The following PKM variants were observed in gnomAD, a reference collection of about 807,000 sequenced individuals.
PKM encodes pyruvate kinase M1/2.
A neutral mutation model predicts 49.8 loss-of-function variants in PKM; 18 were observed. The ratio of observed to expected loss-of-function variants is 0.36; its 90% CI spans 0.25 to 0.54. The LOEUF (loss-of-function observed/expected upper bound fraction) is 0.54, where lower values mean the gene tolerates loss of function less well. Among genes scored for constraint, PKM ranks in the 20% least tolerant of loss-of-function variants. The pLI is 0.89. For missense variants in PKM, 508 were observed against 713.8 expected (o/e 0.71, Z 3.28); for synonymous variants, 239 against 261.8 (o/e 0.91, Z 0.84).
intron 1 of PKM, chr15:72,230,826 T>G: frequency 4.1e-6 from 3 of 740,654 alleles, no homozygotes; most frequent in Non-Finnish European, 5.9e-6. Context: ...GCATTGAGGA[T>G]TGGGGCAGGA....
intron 5 of PKM, 65 bp from the exon 6 acceptor site, chr15:72,208,956 C>G: frequency 6.5e-7 from 1 of 1,536,022 alleles, no homozygotes; most frequent in Non-Finnish European, 8.9e-7. Context: ...GAAGCAGGCA[C>G]CTTTCCCGCA....
Position 72,200,905 on chromosome 15 carries a change from C to A in PKM, c.1308-250G>T, listed in dbSNP as rs2856932. The stretch of plus-strand genomic sequence containing the variant: ...AGGGCTCAGGATCACCTTGACCCAG[C>A]AAGATCAGCCTCACCCACTTACCCC... On this transcript the variant is annotated intron_variant, in intron 9 of 10. Coordinates refer to ENST00000335181, the MANE Select transcript of PKM (RefSeq NM_002654.6). The surrounding 1 kb of genome is among the most constrained non-coding windows in gnomAD (Gnocchi z 4.6). 68 of 478,432 alleles carry A rather than the reference C, an allele frequency of 1.4e-4. No individual in the cohort carries two copies. Among genetic ancestry groups the A allele is most frequent in the African/African-American group, 1.2e-3 (64 of 51,860 alleles). The allele number at this position is 478,432 out of a possible 1,614,324, so 29.6% of individuals were successfully genotyped here. A position where few individuals can be genotyped will look rare whatever the true frequency, so the allele number is the denominator to read the frequency against.
At chr15:72,226,284 T>C (rs1249958385) in intron 1 of PKM, among the ~76,000 whole-genome samples, 1 of 152,076 alleles carries the variant, frequency 6.6e-6, no homozygotes, top group African/African-American at 2.4e-5. Flanking sequence ...TCCCAGCACT[T>C]TGGGAGGCCA....
At chr15:72,210,011 A>G in intron 4 of PKM, 152 bp from the exon 5 acceptor site, 1 of 722,104 alleles carries the variant, frequency 1.4e-6, no homozygotes, top group Non-Finnish European at 2.5e-6. Context: ...CTAACTCTGT[A>G]TACTTCACGG....
chr15:72,230,429 C>T (rs1270913862), intron 1 of PKM, among the ~76,000 whole-genome samples: 2 of 152,136 alleles, frequency 1.3e-5, no homozygotes, highest in Non-Finnish European at 2.9e-5. Flanking sequence ...GGTGGGACCG[C>T]GCTCGGAGAC....
intron 1 of PKM, chr15:72,228,465 T>C (rs1424777812): frequency 5.4e-6 from 2 of 370,364 alleles, no homozygotes; most frequent in Non-Finnish European, 1.1e-5. Context: ...GCAAGCTCCG[T>C]AGTTGAGGCA....
At position 72,209,654 on chromosome 15, in the gene PKM, C is replaced by T. The variant is rs1427367838; in HGVS notation, c.565+19G>A. The T allele has an allele frequency of 3.7e-6, 6 of 1,608,770 alleles. No individual in the cohort carries two copies. Among genetic ancestry groups the T allele is most frequent in the Non-Finnish European group, 5.1e-6 (6 of 1,176,476 alleles). On this transcript the variant is annotated intron_variant, in intron 5 of 10. Transcript: ENST00000335181. ...CAAAAGACTGTTTTAGACAACTGGA[C>T]TCCAGCTCCCATACGTACCTTTCTG...
chr15:72,210,763 T>C (rs1388516246), intron 3 of PKM, among the ~76,000 whole-genome samples: 1 of 152,196 alleles, frequency 6.6e-6, no homozygotes, highest in East Asian at 1.9e-4. Flanking sequence ...CATTAAGGTA[T>C]GGGTGCAAAC....
At chr15:72,217,934 A>C (rs1429821906) in intron 2 of PKM, among the ~76,000 whole-genome samples, 3 of 152,220 alleles carry the variant, frequency 2.0e-5, no homozygotes, top group Non-Finnish European at 2.9e-5. Flanking sequence ...TTCTTTTTGC[A>C]ACAAATTATT....
intron 8 of PKM, among the ~76,000 whole-genome samples, chr15:72,205,991 G>A (rs537754681): frequency 6.6e-6 from 1 of 152,266 alleles, no homozygotes; most frequent in East Asian, 1.9e-4. Flanking sequence ...TCTCAGAGGA[G>A]AAAGAAGGGA....
chr15:72,223,401 T>C (rs1178205200), intron 1 of PKM, among the ~76,000 whole-genome samples: 3 of 152,142 alleles, frequency 2.0e-5, no homozygotes, highest in Non-Finnish European at 4.4e-5. Flanking sequence ...CACCTGATGC[T>C]CACTTTCTCC....
chr15:72,207,397 CATG>C lies in PKM; in HGVS notation c.837-123_837-121del, dbSNP rs564199241. 2.7e-3 allele frequency: 2,409 copies of C among 893,938 alleles called. 12 individuals are homozygous for C. The highest frequency in any genetic ancestry group is 3.1e-3 in the Non-Finnish European group (1,665 of 541,152). 55.4% of individuals were successfully genotyped at this position (893,938 alleles called of 1,614,324 possible). On this transcript the variant is annotated intron_variant, in intron 6 of 10. Transcript: ENST00000335181. ...ATGTCCTTGTACCAGGACAGACATC[CATG>C]ATATCATCATGGGTGCACACAGATG...
chr15:72,200,183 A>C lies in PKM; in HGVS notation c.1489+291T>G, dbSNP rs2081906566. 6.6e-6 allele frequency among the ~76,000 whole-genome samples: 1 copy of C among 152,202 alleles called. No homozygotes were observed. The highest frequency in any genetic ancestry group is 2.4e-5 in the African/African-American group (1 of 41,442). On this transcript the variant is annotated intron_variant, in intron 10 of 10. Coordinates refer to ENST00000335181, the MANE Select transcript of PKM (RefSeq NM_002654.6). This position sits in a 1 kb window ranked among gnomAD's most constrained non-coding sequence, Gnocchi z 4.6. ...ACTCTCAGTAATGAGCAGATGCCAA[A>C]AAATGGACAATTTTGCTTTGAGCCC...
chr15:72,210,620 T>C (rs899312061), intron 3 of PKM, 142 bp from the exon 4 acceptor site: 2 of 916,900 alleles, frequency 2.2e-6, no homozygotes, highest in African/African-American at 1.6e-5. Context: ...GCACGATCCA[T>C]GCACTGAGAA....
chr15:72,230,505 A>C (rs903059135), intron 1 of PKM, among the ~76,000 whole-genome samples: 13 of 152,096 alleles, frequency 8.5e-5, no homozygotes, highest in African/African-American at 2.4e-4. Flanking sequence ...CCAGGCGAGG[A>C]AGGGGATGCG....
chr15:72,203,392 A>G, intron 8 of PKM: 2 of 593,020 alleles, frequency 3.4e-6, no homozygotes, highest in Non-Finnish European at 6.0e-6. Flanking sequence ...CTTCCCCTCC[A>G]ATACAGGGGA....
At chr15:72,220,328 C>T (rs573647886) in intron 1 of PKM, among the ~76,000 whole-genome samples, 3 of 152,278 alleles carry the variant, frequency 2.0e-5, no homozygotes, top group African/African-American at 4.8e-5. Flanking sequence ...CAAATCAAGG[C>T]ATCTCACACA....
chr15:72,208,022 A>C (rs1247622511), intron 6 of PKM, among the ~76,000 whole-genome samples: 1 of 152,198 alleles, frequency 6.6e-6, no homozygotes, highest in South Asian at 2.1e-4. Flanking sequence ...CTTTGTGAGC[A>C]TTGGGGAGGG....
intron 3 of PKM, 108 bp from the exon 4 acceptor site, chr15:72,210,586 C>T: frequency 4.1e-6 from 5 of 1,228,754 alleles, no homozygotes; most frequent in South Asian, 1.3e-5. Context: ...CCGTGGATGT[C>T]TTAGAGCTCT....
Sources: allele counts gnomAD v4.1 joint callset (sites outside exome capture counted in the v4.1 genomes callset), GRCh38; gene constraint gnomAD v4.1.1; non-coding constraint Gnocchi (gnomAD v3.1); transcripts MANE v1.5; gene names NCBI Gene and HGNC (gene_info 2026-07-23, HGNC 2026-07-21).